IFT43: variants seen among roughly 807,000 people sequenced by gnomAD.
The protein encoded by IFT43 is intraflagellar transport 43.
In IFT43, 33 loss-of-function variants were observed where a neutral mutation model predicts 32.3. That is an observed-to-expected ratio of 1.02 (90% CI 0.77 to 1.37). The LOEUF (loss-of-function observed/expected upper bound fraction) is 1.37, where lower values mean the gene tolerates loss of function less well. Ranked by LOEUF, IFT43 falls within the 40% of genes most tolerant of loss-of-function variation. The pLI, the probability that IFT43 is intolerant of heterozygous loss-of-function variation, is 0.00. For synonymous variants in IFT43, 93 were observed against 98.2 expected (o/e 0.95, Z 0.31); for missense variants, 274 against 265.9 (o/e 1.03, Z -0.21).
intron 3 of IFT43, among the ~76,000 whole-genome samples, chr14:76,045,245 C>T (rs1450995816): frequency 6.6e-6 from 1 of 152,194 alleles, no homozygotes. Context: ...TCTTTTTCCC[C>T]TGGGTTTGCC....
chr14:76,017,480 A>G (rs1231153565), intron 2 of IFT43, among the ~76,000 whole-genome samples: 4 of 152,042 alleles, frequency 2.6e-5, no homozygotes, highest in East Asian at 1.9e-4. Flanking sequence ...TTTGCATCCT[A>G]TGTTCATCAG....
chr14:76,049,531 T>TA (rs922042552), intron 3 of IFT43, among the ~76,000 whole-genome samples: 14 of 151,682 alleles, frequency 9.2e-5, no homozygotes, highest in African/African-American at 2.2e-4. Flanking sequence ...AGTTTTCTTT[T>TA]AAAAAAAATG....
At chr14:75,986,356 TA>T (rs2035527528) in intron 1 of IFT43, 1 of 1,132,726 alleles carries the variant, frequency 8.8e-7, no homozygotes, top group Non-Finnish European at 1.1e-6. Context: ...CCTCAGTAGT[TA>T]AGGAAACCAA....
rs1040271345 is a variant in IFT43 at position 76,083,273 on chromosome 14, A to G, written c.491A>G (p.Glu164Gly). Residue 164 changes from glutamate to glycine, a missense_variant, in exon 8 of 9, where the codon GAG (glutamate) becomes GGG (glycine). Glu to Gly is a moderately conservative substitution (Grantham distance 98). Coordinates refer to ENST00000314067, the MANE Select transcript of IFT43 (RefSeq NM_001102564.3). Reference protein sequence around the residue: ...LKLLTKVLAPEHEVREDDVGW... With the variant: ...LKLLTKVLAPGHEVREDDVGW... ...CTCCTCACCAAAGTGCTCGCGCCGG[A>G]GCACGAAGTCCGGGAGGTACAGTGG... 3.7e-6 allele frequency: 6 copies of G among 1,613,822 alleles called. No homozygotes were observed. The highest frequency in any genetic ancestry group is 5.1e-6 in the Non-Finnish European group (6 of 1,179,854).
At chr14:76,070,419 A>G (rs1260757906) in intron 5 of IFT43, among the ~76,000 whole-genome samples, 3 of 152,238 alleles carry the variant, frequency 2.0e-5, no homozygotes, top group Non-Finnish European at 4.4e-5. Flanking sequence ...AAACTAATCA[A>G]TGGAAACCCT....
intron 2 of IFT43, among the ~76,000 whole-genome samples, chr14:75,999,227 T>TTTTATA (rs2035805542): frequency 1.0e-5 from 1 of 96,138 alleles, no homozygotes; most frequent in Non-Finnish European, 1.9e-5. Context: ...TAAATTCATT[T>TTTTATA]TATATATATA....
At chr14:76,005,088 T>C (rs74902917) in intron 2 of IFT43, among the ~76,000 whole-genome samples, 2,058 of 152,320 alleles carry the variant, frequency 0.014, 52 homozygotes, top group African/African-American at 0.043. Flanking sequence ...TTATTGTCTA[T>C]TTTTTCTTCT....
intron 2 of IFT43, among the ~76,000 whole-genome samples, chr14:76,012,361 C>G (rs913883287): frequency 6.6e-6 from 1 of 152,222 alleles, no homozygotes; most frequent in African/African-American, 2.4e-5. Flanking sequence ...AAGACTCCCT[C>G]TGACATGGTA....
At chr14:76,077,809 T>C (rs2037437500) in intron 5 of IFT43, among the ~76,000 whole-genome samples, 1 of 152,192 alleles carries the variant, frequency 6.6e-6, no homozygotes, top group Admixed American at 6.5e-5. Context: ...TTCCAGTTAC[T>C]TCTCACCGCC....
intron 3 of IFT43, chr14:76,058,170 C>T (rs1028914894): frequency 1.3e-5 from 3 of 230,906 alleles, no homozygotes; most frequent in South Asian, 6.4e-5. Context: ...TCTCGTCCTT[C>T]GTGTGAAGGG....
In IFT43 at chr14:76,059,197, T is replaced by C. The variant is rs2037083384; in HGVS notation, c.249-130T>C. On this transcript the variant is annotated intron_variant, in intron 4 of 8. Transcript: ENST00000314067. ...AGTGGCCTAATTAGGTTTGACTAAG[T>C]TGACAGAGAAAAACAGGTTCAGGGA... 18 of 1,597,300 alleles carry C rather than the reference T, an allele frequency of 1.1e-5. No individual in the cohort carries two copies. In the South Asian group the frequency reaches 2.0e-4, roughly 18 times the overall value.
chr14:76,073,708 A>G (rs1429187613), intron 5 of IFT43, among the ~76,000 whole-genome samples: 1 of 152,158 alleles, frequency 6.6e-6, no homozygotes, highest in African/African-American at 2.4e-5. Flanking sequence ...AGACCCTTCA[A>G]GAGAAAGCTC....
chr14:76,068,208 G>T (rs1343903527), intron 5 of IFT43, among the ~76,000 whole-genome samples: 1 of 152,234 alleles, frequency 6.6e-6, no homozygotes, highest in Non-Finnish European at 1.5e-5. Context: ...CATGTGCTGG[G>T]TCCTGAAGGA....
chr14:76,062,917 C>CAAA (rs746158153), intron 5 of IFT43, among the ~76,000 whole-genome samples: 23 of 72,436 alleles, frequency 3.2e-4, no homozygotes, highest in East Asian at 4.3e-4. Flanking sequence ...GATCCCATCT[C>CAAA]AAAAAAAAAA....
chr14:76,004,594 G>A (rs1016091763), intron 2 of IFT43, among the ~76,000 whole-genome samples: 1 of 152,158 alleles, frequency 6.6e-6, no homozygotes, highest in African/African-American at 2.4e-5. Context: ...AGTCTTAGGC[G>A]ATTACTTCTT....
intron 3 of IFT43, among the ~76,000 whole-genome samples, chr14:76,051,206 T>C (rs1057184269): frequency 1.4e-5 from 2 of 146,142 alleles, no homozygotes; most frequent in African/African-American, 5.1e-5. Context: ...AGGAAGAAAA[T>C]ATGGTACCTA....
chr14:76,033,137 A>G (rs916420693), intron 3 of IFT43, among the ~76,000 whole-genome samples: 2 of 152,206 alleles, frequency 1.3e-5, no homozygotes, highest in African/African-American at 4.8e-5. Context: ...GAAAGTGGTT[A>G]CAGTCATTTG....
chr14:75,986,676 A>C (rs2035536519), intron 1 of IFT43, among the ~76,000 whole-genome samples: 1 of 152,170 alleles, frequency 6.6e-6, no homozygotes, highest in South Asian at 2.1e-4. Context: ...AGCTAGATTC[A>C]AGACCCAAGT....
chr14:76,026,756 A>G (rs1678046420), intron 3 of IFT43, among the ~76,000 whole-genome samples: 1 of 152,122 alleles, frequency 6.6e-6, no homozygotes, highest in South Asian at 2.1e-4. Flanking sequence ...ATAATATATC[A>G]TTTTATTATA....
Sources: gnomAD v4.1 joint callset for allele counts (sites outside exome capture counted in the v4.1 genomes callset) on GRCh38, gnomAD v4.1.1 for gene constraint, MANE v1.5 for transcripts, NCBI Gene and HGNC (gene_info 2026-07-23, HGNC 2026-07-21) for gene names.